PPFIA1: variants seen among roughly 807,000 people sequenced by gnomAD.
The protein encoded by PPFIA1 is liprin-alpha-1.
PPFIA1 carries 25 observed loss-of-function variants against 149.9 expected under a neutral mutation model. That is an observed-to-expected ratio of 0.17 (90% confidence interval 0.12 to 0.23). The LOEUF (loss-of-function observed/expected upper bound fraction) is 0.23, where lower values mean the gene tolerates loss of function less well. Among genes scored for constraint, PPFIA1 ranks in the 10% least tolerant of loss-of-function variants. PPFIA1 has a pLI of 1.00. For missense variants in PPFIA1, 1,362 were observed against 1,506.5 expected, an observed-to-expected ratio of 0.90 and a Z score of 1.59; for synonymous variants, 549 against 552.8, an observed-to-expected ratio of 0.99 and a Z score of 0.10.
At chr11:70,348,741 T>G (rs1044635183) in intron 16 of PPFIA1, among the ~76,000 whole-genome samples, 1 of 151,806 alleles carries the variant, frequency 6.6e-6, no homozygotes, top group Non-Finnish European at 1.5e-5. Flanking sequence ...CCTGGTGGTG[T>G]GTGCCTGTAG....
intron 16 of PPFIA1, chr11:70,354,093 A>T (rs1323148492): frequency 1.9e-6 from 1 of 527,050 alleles, no homozygotes; most frequent in Non-Finnish European, 3.3e-6. Context: ...GCCCCAGCGC[A>T]CGCTCGTGGG....
rs1441526809 is a variant in PPFIA1 at position 70,362,147 on chromosome 11, G to A, written c.2635G>A (p.Asp879Asn). 6.2e-7 allele frequency: 1 copy of A among 1,614,226 alleles called. No individual in the cohort carries two copies. The highest frequency in any genetic ancestry group is 8.5e-7 in the Non-Finnish European group (1 of 1,180,046). Residue 879 changes from aspartate (D) to asparagine (N), a missense_variant, in exon 20 of 28, where the codon GAC becomes AAC. This residue lies in a region of PPFIA1 where 91 missense variants were observed against 91.2 expected (regional missense o/e 1.00). Coordinates refer to ENST00000253925, the MANE Select transcript of PPFIA1 (RefSeq NM_003626.5). ...ACAAGGTTTACCTTTTGCCCAATGG[G>A]ACGGGCCAACGGTTGTGGTCTGGCT... ...RRQGLPFAQW[D>N]GPTVVVWLEL...
chr11:70,371,373 G>A (rs371438846), intron 21 of PPFIA1: 23 of 484 alleles, frequency 0.048, no homozygotes, highest in Middle Eastern at 0.5. Context: ...GTTGGGTAGA[G>A]TGTTCTATAT....
chr11:70,362,585 A>G (rs758081785), intron 21 of PPFIA1, 97 bp downstream of exon 21: 30 of 1,279,412 alleles, frequency 2.3e-5, no homozygotes, highest in Non-Finnish European at 3.2e-5. Flanking sequence ...GTTCCTTAAC[A>G]GCATATGAAG....
intron 18 of PPFIA1, among the ~76,000 whole-genome samples, 158 bp downstream of exon 18, chr11:70,355,969 T>C (rs925448408): frequency 1.3e-5 from 2 of 152,230 alleles, no homozygotes; most frequent in Non-Finnish European, 2.9e-5. Context: ...CAGTTTATGC[T>C]CACTTGCCAC....
rs115833275 is a variant in PPFIA1 at position 70,290,370 on chromosome 11, C to G, written c.264+17934C>G. On this transcript the variant is annotated intron_variant, in intron 2 of 27. Coordinates refer to ENST00000253925, the MANE Select transcript of PPFIA1 (RefSeq NM_003626.5). Reference sequence around the variant, plus strand: ...TCCGATAGGTGGGGTGAGGACGTGTCTGGTTTGCATGGAATAGTCCCGGTT... The same window carrying G: ...TCCGATAGGTGGGGTGAGGACGTGTGTGGTTTGCATGGAATAGTCCCGGTT... Among the ~76,000 whole-genome samples the G allele has an allele frequency of 4.0e-3, 603 of 152,336 alleles. 5 individuals are homozygous for G. The highest frequency in any genetic ancestry group is 0.014 in the African/African-American group (577 of 41,564).
In PPFIA1 at chr11:70,321,811, A is replaced by G. The variant is rs1216674394; in HGVS notation, c.265-2591A>G. Among the ~76,000 whole-genome samples the G allele has an allele frequency of 3.9e-5, 6 of 152,262 alleles. No individual in the cohort carries two copies. In the East Asian group the frequency reaches 1.2e-3, roughly 29 times the overall value. On this transcript the variant is annotated intron_variant, in intron 2 of 27. Coordinates refer to ENST00000253925, the MANE Select transcript of PPFIA1 (RefSeq NM_003626.5). ...AAAATTCAAGGTCCTGAATTCAGGCAGGCCTGTAGCCGACTCTGTACTTTG... is the reference window on the plus strand; with the variant it reads ...AAAATTCAAGGTCCTGAATTCAGGCGGGCCTGTAGCCGACTCTGTACTTTG...
intron 2 of PPFIA1, among the ~76,000 whole-genome samples, chr11:70,304,654 T>C (rs1444677189): frequency 4.0e-5 from 6 of 151,210 alleles, no homozygotes; most frequent in Non-Finnish European, 8.8e-5. Context: ...ACTGGGGGAG[T>C]GGTCTTGTGG....
At chr11:70,328,212 CTCT>C (rs1181041491) in intron 7 of PPFIA1, among the ~76,000 whole-genome samples, 22 of 152,018 alleles carry the variant, frequency 1.4e-4, no homozygotes, top group Admixed American at 1.3e-4. Context: ...TTTCCTGATC[CTCT>C]TCTTCCTCCT....
At chr11:70,337,499 A>T (rs1440722085) in intron 12 of PPFIA1, 72 bp downstream of exon 12, 2 of 1,197,734 alleles carry the variant, frequency 1.7e-6, no homozygotes, top group African/African-American at 3.1e-5. Context: ...GTTACTGCAG[A>T]TGTCTGACAG....
chr11:70,352,895 A>G (rs2056156540), intron 16 of PPFIA1, among the ~76,000 whole-genome samples: 1 of 152,018 alleles, frequency 6.6e-6, no homozygotes. Context: ...CCCTGTTACC[A>G]GCTTATAGCT....
intron 7 of PPFIA1, among the ~76,000 whole-genome samples, chr11:70,328,109 G>A (rs989776695): frequency 1.3e-5 from 2 of 151,992 alleles, no homozygotes; most frequent in Non-Finnish European, 2.9e-5. Flanking sequence ...TTAAGTTTGG[G>A]GTACACGTGT....
intron 6 of PPFIA1, 23 bp downstream of exon 6, chr11:70,326,386 T>C: frequency 2.6e-6 from 4 of 1,536,786 alleles, no homozygotes; most frequent in Non-Finnish European, 3.6e-6. Flanking sequence ...GCTTTGTCTT[T>C]ATTCTGTTTG....
Position 70,382,123 on chromosome 11 carries a change from A to G in PPFIA1, c.3586A>G (p.Thr1196Ala), listed in dbSNP as rs747270224. The G allele has an allele frequency of 1.2e-6, 2 of 1,613,944 alleles. No homozygotes were observed. The highest frequency in any genetic ancestry group is 8.5e-7 in the Non-Finnish European group (1 of 1,179,966). Reference sequence around the variant, plus strand: ...AGGAACACAGAGGTTGGATTCTGCTACAGTCAGGACTTACTCCTGCTAAAG... The same window carrying G: ...AGGAACACAGAGGTTGGATTCTGCTGCAGTCAGGACTTACTCCTGCTAAAG... Reference protein sequence around the residue: ...VSGTQRLDSATVRTYSC With the variant: ...VSGTQRLDSAAVRTYSC The change falls in exon 27 of 28, where the codon ACA (threonine) becomes GCA (alanine). Residue 1196 changes from threonine (T) to alanine (A), a missense_variant. By Grantham distance (58) the Thr-to-Ala change is moderately conservative. This residue lies in a region of PPFIA1 where 349 missense variants were observed against 373.3 expected (regional missense o/e 0.93). Coordinates refer to ENST00000253925, the MANE Select transcript of PPFIA1 (RefSeq NM_003626.5).
At position 70,326,804 on chromosome 11, in the gene PPFIA1, C is replaced by G. The variant is rs2136846563; in HGVS notation, c.916C>G (p.Arg306Gly). The G allele has an allele frequency of 6.2e-7, 1 of 1,613,486 alleles. No individual in the cohort carries two copies. Among genetic ancestry groups the G allele is most frequent in the Middle Eastern group, 1.7e-4 (1 of 6,060 alleles). ...TGAAGAAATGAACACAAAATTGCAA[C>G]GAGATGTCCGTGAAGTGAGCAATAA... ...KSEEMNTKLQ[R>G]DVREAMAQKE... Residue 306 changes from arginine (R) to glycine (G), a missense_variant, in exon 7 of 28, where the codon CGA becomes GGA. Physicochemically the swap from Arg to Gly is moderately radical, Grantham distance 125 (BLOSUM62 -2). Around this residue, in one of 7 missense-constraint regions of PPFIA1, gnomAD observed 733 missense variants for 744.1 expected, o/e 0.99. Transcript: ENST00000253925.
At position 70,337,349 on chromosome 11, in the gene PPFIA1, A is replaced by G. The variant is rs139383643; in HGVS notation, c.1429-16A>G. 2 of 1,558,736 alleles carry G rather than the reference A, an allele frequency of 1.3e-6. No homozygotes were observed. Among genetic ancestry groups the G allele is most frequent in the African/African-American group, 1.4e-5 (1 of 72,876 alleles). On this transcript the variant is annotated splice_polypyrimidine_tract_variant and intron_variant, in intron 11 of 27. Coordinates refer to ENST00000253925, the MANE Select transcript of PPFIA1 (RefSeq NM_003626.5). ...CATTTTAAAGAAACACTAAAGGACTATCTGTCTTTTTTCAGAACTCTCTTT... is the reference window on the plus strand; with the variant it reads ...CATTTTAAAGAAACACTAAAGGACTGTCTGTCTTTTTTCAGAACTCTCTTT...
chr11:70,349,135 CAAAA>C (rs749436919), intron 16 of PPFIA1, among the ~76,000 whole-genome samples: 14 of 74,604 alleles, frequency 1.9e-4, no homozygotes, highest in African/African-American at 6.1e-4. Context: ...CATCTACTAC[CAAAA>C]AAAAAAAAAA....
chr11:70,322,668 A>G (rs2054011377), intron 2 of PPFIA1, among the ~76,000 whole-genome samples: 1 of 152,198 alleles, frequency 6.6e-6, no homozygotes, highest in Non-Finnish European at 1.5e-5. Context: ...AGCTAATTTT[A>G]TGGTCTCAGG....
intron 2 of PPFIA1, among the ~76,000 whole-genome samples, chr11:70,288,538 A>C (rs1347047429): frequency 2.6e-5 from 4 of 152,172 alleles, no homozygotes; most frequent in Non-Finnish European, 5.9e-5. Flanking sequence ...TTTAGTGTCC[A>C]TGGTGTTCCC....
Sources: allele counts gnomAD v4.1 joint callset (sites outside exome capture counted in the v4.1 genomes callset), GRCh38; gene constraint gnomAD v4.1.1; regional missense constraint gnomAD v4.1.1; transcripts MANE v1.5; gene names NCBI Gene and HGNC (gene_info 2026-07-23, HGNC 2026-07-21).